The following MYCBPAP variants were observed in gnomAD, a reference collection of about 807,000 sequenced individuals.
MYCBPAP encodes MYCBP associated protein, also known as MYCBP-associated protein.
MYCBPAP carries 60 observed loss-of-function variants against 106.1 expected under a neutral mutation model. That is an observed-to-expected ratio of 0.57 (90% CI 0.46 to 0.70). MYCBPAP has a LOEUF of 0.70. Among genes scored for constraint, MYCBPAP ranks in the 30% least tolerant of loss-of-function variants. The probability of loss-of-function intolerance (pLI) is 0.00; values close to 1 mark genes in which losing one functional copy is unlikely to be tolerated. For missense variants in MYCBPAP, 1,064 were observed against 1,169.3 expected, an observed-to-expected ratio of 0.91 and a Z score of 1.31; for synonymous variants, 407 against 440.6, an observed-to-expected ratio of 0.92 and a Z score of 0.95.
chr17:50,524,118 A>T (rs2034372966), intron 12 of MYCBPAP, among the ~76,000 whole-genome samples: 1 of 152,210 alleles, frequency 6.6e-6, no homozygotes, highest in Non-Finnish European at 1.5e-5. Flanking sequence ...GCTGTCTGGT[A>T]CTACACAGTG....
intron 1 of MYCBPAP, chr17:50,515,030 C>G: frequency 3.6e-6 from 1 of 281,186 alleles, no homozygotes; most frequent in South Asian, 2.9e-5. Flanking sequence ...TCCCTCCCAC[C>G]TCACCACACT....
intron 4 of MYCBPAP, 74 bp downstream of exon 4, chr17:50,517,772 G>A: frequency 8.0e-7 from 1 of 1,254,674 alleles, no homozygotes; most frequent in Non-Finnish European, 1.2e-6. Flanking sequence ...ACACAGTCAA[G>A]CAGGGCTGGG....
At chr17:50,523,926 C>T in intron 12 of MYCBPAP, 142 bp downstream of exon 12, 1 of 833,366 alleles carries the variant, frequency 1.2e-6, no homozygotes, top group East Asian at 2.7e-5. Context: ...ACTCTTGCTC[C>T]ACAAACACTT....
At chr17:50,518,903 C>T (rs957037662) in intron 5 of MYCBPAP, 71 bp from the exon 6 acceptor site, 24 of 1,491,056 alleles carry the variant, frequency 1.6e-5, no homozygotes, top group Middle Eastern at 1.7e-4. Context: ...GGAGGCTGCC[C>T]GATGCAGACT....
At chr17:50,519,460 G>C (rs2034177097) in intron 6 of MYCBPAP, 180 bp from the exon 7 acceptor site, 1 of 735,826 alleles carries the variant, frequency 1.4e-6, no homozygotes, top group Non-Finnish European at 2.2e-6. Flanking sequence ...GGCAGGTAAA[G>C]ATGACAACAG....
intron 1 of MYCBPAP, chr17:50,510,499 G>GTGTGTGTGTA (rs1418345705): frequency 5.2e-5 from 4 of 76,426 alleles, no homozygotes; most frequent in African/African-American, 1.8e-4. Flanking sequence ...GTGTGTGTGT[G>GTGTGTGTGTA]TATATATATA....
chr17:50,519,762 GC>G lies in MYCBPAP; in HGVS notation c.895del (p.His299ThrfsTer27). The G allele has an allele frequency of 1.2e-6, 2 of 1,613,968 alleles. No individual in the cohort carries two copies. Among genetic ancestry groups the G allele is most frequent in the Non-Finnish European group, 1.7e-6 (2 of 1,179,982 alleles). On this transcript the variant is annotated frameshift_variant, in exon 7 of 19. Coordinates refer to ENST00000323776, the MANE Select transcript of MYCBPAP (RefSeq NM_032133.6). LOFTEE classifies it high-confidence loss of function. ...TGGAGCCCATCACTCACATCAGGAA[GC>G]CCCACTCCATCCGGGTGGAGACAGG... ...LMEPITHIRK[P>X]HSIRVETGLP...
intron 7 of MYCBPAP, 121 bp from the exon 8 acceptor site, chr17:50,520,989 C>A: frequency 1.4e-6 from 1 of 738,020 alleles, no homozygotes; most frequent in Non-Finnish European, 2.3e-6. Context: ...CACAGGGAAG[C>A]TGTATTTTTA....
In MYCBPAP at chr17:50,509,482, T is replaced by C. The variant is rs147739337; in HGVS notation, c.76+732T>C. ...CTTGCAACCCACCCCCTTTTGATCT[T>C]TTTTGGCTGTTTCCATTTATTTATT... On this transcript the variant is annotated intron_variant, in intron 1 of 18. Transcript: ENST00000323776. The C allele has an allele frequency of 1.6e-4, 37 of 228,714 alleles. No homozygotes were observed. The East Asian group carries it at 3.4e-3, about 21-fold the overall frequency. The allele number at this position is 228,714 out of a possible 1,614,324, so 14.2% of individuals were successfully genotyped here.
chr17:50,508,246 A>C (rs868356188), upstream of MYCBPAP: 1 of 314,048 alleles, frequency 3.2e-6, no homozygotes, highest in Non-Finnish European at 5.8e-6. Context: ...CCGACGCCCC[A>C]CCCGCCCCCC....
intron 1 of MYCBPAP, among the ~76,000 whole-genome samples, chr17:50,512,456 C>T (rs879801479): frequency 2.6e-5 from 4 of 152,172 alleles, no homozygotes; most frequent in Admixed American, 6.5e-5. Flanking sequence ...CTTGGTTTGC[C>T]GCTGTACCTG....
Position 50,531,385 on chromosome 17 carries a change from G to T in MYCBPAP, c.2783G>T (p.Ser928Ile), listed in dbSNP as rs761231332. The T allele has an allele frequency of 2.2e-5, 35 of 1,613,678 alleles. No homozygotes were observed. The highest frequency in any genetic ancestry group is 3.0e-5 in the Non-Finnish European group (35 of 1,179,864). The change falls in exon 19 of 19, where the codon AGC (serine) becomes ATC (isoleucine). Residue 928 changes from serine to isoleucine, a missense_variant. Ser to Ile is a moderately radical substitution (Grantham distance 142, BLOSUM62 -2). Coordinates refer to ENST00000323776, the MANE Select transcript of MYCBPAP (RefSeq NM_032133.6). ...CTGATGGTCCTGGCTGATGAGCTCA[G>T]CCCCATAAAGAATGTCGAGGAGGCT... ...TDLMVLADEL[S>I]PIKNVEEALR...
chr17:50,526,342 C>T, intron 14 of MYCBPAP, 75 bp downstream of exon 14: 1 of 1,469,002 alleles, frequency 6.8e-7, no homozygotes, highest in Non-Finnish European at 9.0e-7. Context: ...CCCAGCAGCC[C>T]CTCTTGCTCT....
At chr17:50,525,155 T>A (rs535744995) in intron 13 of MYCBPAP, 132 bp downstream of exon 13, 1 of 1,103,854 alleles carries the variant, frequency 9.1e-7, no homozygotes, top group Admixed American at 2.5e-5. Flanking sequence ...TCCTGTCAGA[T>A]CAGCGGTGGC....
intron 7 of MYCBPAP, 42 bp downstream of exon 7, chr17:50,519,829 G>T (rs374754878): frequency 1.3e-5 from 21 of 1,594,302 alleles, no homozygotes; most frequent in Admixed American, 1.1e-4. Context: ...CTTGTGCCTG[G>T]CCCGGAGGCA....
intron 1 of MYCBPAP, chr17:50,509,784 A>G (rs1229354670): frequency 1.3e-5 from 2 of 152,498 alleles, no homozygotes; most frequent in African/African-American, 2.4e-5. Flanking sequence ...GGTCCTCAAG[A>G]AACTCAGTCT....
intron 16 of MYCBPAP, 49 bp downstream of exon 16, chr17:50,528,319 C>T (rs962590707): frequency 1.4e-6 from 2 of 1,445,098 alleles, no homozygotes; most frequent in African/African-American, 2.8e-5. Flanking sequence ...CTCCTCATCT[C>T]TCTGAATGGA....
chr17:50,513,486 T>C (rs1488646429), intron 1 of MYCBPAP, among the ~76,000 whole-genome samples: 1 of 152,230 alleles, frequency 6.6e-6, no homozygotes, highest in Non-Finnish European at 1.5e-5. Flanking sequence ...TTTATTGGAC[T>C]ACATTAAAGA....
intron 1 of MYCBPAP, chr17:50,509,191 AGAG>A: frequency 1.4e-6 from 1 of 701,906 alleles, no homozygotes; most frequent in Non-Finnish European, 2.6e-6. Flanking sequence ...ATTATTTGGT[AGAG>A]GAGGGTCGGG....
Sources: gnomAD v4.1 joint callset for allele counts (sites outside exome capture counted in the v4.1 genomes callset) on GRCh38, gnomAD v4.1.1 for gene constraint, MANE v1.5 for transcripts, NCBI Gene and HGNC (gene_info 2026-07-23, HGNC 2026-07-21) for gene names.